ITLN2: variants seen among roughly 807,000 people sequenced by gnomAD.
ITLN2 encodes the protein intelectin-2.
In ITLN2, 29 loss-of-function variants were observed where a neutral mutation model predicts 39.4. The ratio of observed to expected loss-of-function variants is 0.74; its 90% confidence interval spans 0.55 to 1.00. The LOEUF (loss-of-function observed/expected upper bound fraction) is 1.00, where lower values mean the gene tolerates loss of function less well. Among genes scored for constraint, ITLN2 ranks in the 50% least tolerant of loss-of-function variants. ITLN2 has a pLI of 0.00. For synonymous variants in ITLN2, 156 were observed against 153.4 expected, an observed-to-expected ratio of 1.02 and a Z score of -0.12; for missense variants, 412 against 416.7, an observed-to-expected ratio of 0.99 and a Z score of 0.10.
In ITLN2 at chr1:160,948,051, A is replaced by C. The variant is rs776061862; in HGVS notation, c.722-19T>G. 103 of 1,591,264 alleles carry C rather than the reference A, an allele frequency of 6.5e-5. No homozygotes were observed. In the Middle Eastern group the frequency reaches 8.3e-4, roughly 13 times the overall value. On this transcript the variant is annotated intron_variant, in intron 6 of 7. Transcript: ENST00000368029. ...AATTCCCCTGAAAAAGAAGAGGTGA[A>C]GAAACAGCCAAGTAGTCAAAGGATG... is the stretch of plus-strand genomic sequence containing the variant.
Position 160,950,029 on chromosome 1 carries a change from A to G in ITLN2, c.721+17T>C. ...CAAGAAAATATTTATGACTGGACTT[A>G]GGGAGCAAACACTCACGTTGACCAT... On this transcript the variant is annotated intron_variant, in intron 6 of 7. Coordinates refer to ENST00000368029, the MANE Select transcript of ITLN2 (RefSeq NM_080878.3). 6.2e-7 allele frequency: 1 copy of G among 1,609,918 alleles called. No individual in the cohort carries two copies. The highest frequency in any genetic ancestry group is 8.5e-7 in the Non-Finnish European group (1 of 1,177,108).
intron 7 of ITLN2, among the ~76,000 whole-genome samples, chr1:160,945,768 G>A (rs1671587271): frequency 6.6e-6 from 1 of 152,086 alleles, no homozygotes; most frequent in South Asian, 2.1e-4. Context: ...GTTCTTGATG[G>A]CTCTGACGCT....
At chr1:160,946,087 G>A (rs955267668) in intron 7 of ITLN2, among the ~76,000 whole-genome samples, 1 of 151,748 alleles carries the variant, frequency 6.6e-6, no homozygotes, top group East Asian at 2.0e-4. Context: ...TGGGCAGATT[G>A]CCTGAGGTCA....
chr1:160,952,681 G>A lies in ITLN2; in HGVS notation c.132C>T (p.Phe44=). 1 of 1,614,176 alleles carries A rather than the reference G, an allele frequency of 6.2e-7. No individual in the cohort carries two copies. Among genetic ancestry groups the A allele is most frequent in the Non-Finnish European group, 8.5e-7 (1 of 1,180,026 alleles). ...AGCTTCTAGGCAGGGAAGAAAAGGA[G>A]AAGGCACAGGTTTCGAATTCCCTCG... ...MLSREFETCA[F]SFSSLPRSCK... Residue 44 remains phenylalanine, a synonymous_variant, in exon 3 of 8, where the codon TTC becomes TTT. Coordinates refer to ENST00000368029, the MANE Select transcript of ITLN2 (RefSeq NM_080878.3).
rs1487186936 is a variant in ITLN2 at position 160,952,629 on chromosome 1, T to A, written c.184A>T (p.Ser62Cys). The change falls in exon 3 of 8, where the codon AGT (serine) becomes TGT (cysteine). Residue 62 changes from serine (S) to cysteine (C), a missense_variant. Coordinates refer to ENST00000368029, the MANE Select transcript of ITLN2 (RefSeq NM_080878.3). ...SCKEIKERCH[S>C]AGDGLYFLRT... ...TTGGTTCATTACTCACCACCTGCAC[T>A]ATGGCAGCGTTCCTTGATTTCTTTG... 1 of 1,612,502 alleles carries A rather than the reference T, an allele frequency of 6.2e-7. No individual in the cohort carries two copies. The highest frequency in any genetic ancestry group is 2.2e-5 in the East Asian group (1 of 44,882).
chr1:160,950,985 G>A lies in ITLN2; in HGVS notation c.441+58C>T, dbSNP rs1353206128. The A allele has an allele frequency of 1.4e-5, 23 of 1,613,612 alleles. No homozygotes were observed. In the Admixed American group the frequency reaches 3.7e-4, roughly 26 times the overall value. ...TTCCAGCCCTCCCTCCTGCAGGCTG[G>A]TGGCCAGCCACACTCCACACCTCAC... On this transcript the variant is annotated intron_variant, in intron 4 of 7. Coordinates refer to ENST00000368029, the MANE Select transcript of ITLN2 (RefSeq NM_080878.3).
chr1:160,948,167 G>A, intron 6 of ITLN2, 135 bp from the exon 7 acceptor site: 1 of 657,790 alleles, frequency 1.5e-6, no homozygotes, highest in Admixed American at 2.7e-5. Flanking sequence ...TAGGGGTGCA[G>A]CCCAGTACCT....
At position 160,950,686 on chromosome 1, in the gene ITLN2, G is replaced by A. The variant is rs1553205298; in HGVS notation, c.467C>T (p.Ala156Val). Reference sequence around the variant, plus strand: ...CACATGCCAGATGCCCAGGTCCTTGGCCTGGATGTCGTAGTAGCCAGGGTT... The same window carrying A: ...CACATGCCAGATGCCCAGGTCCTTGACCTGGATGTCGTAGTAGCCAGGGTT... ...YKNPGYYDIQ[A>V]KDLGIWHVPN... The change falls in exon 5 of 8, where the codon GCC becomes GTC. Residue 156 changes from alanine (A) to valine (V), a missense_variant. Transcript: ENST00000368029. 6.2e-7 allele frequency: 1 copy of A among 1,613,984 alleles called. No homozygotes were observed. Among genetic ancestry groups the A allele is most frequent in the Non-Finnish European group, 8.5e-7 (1 of 1,179,908 alleles).
chr1:160,945,183 C>T lies in ITLN2; in HGVS notation c.935G>A (p.Ser312Asn). 6.2e-7 allele frequency: 1 copy of T among 1,606,864 alleles called. No homozygotes were observed. The highest frequency in any genetic ancestry group is 8.5e-7 in the Non-Finnish European group (1 of 1,178,144). ...GYGTHVKSSC[S>N]REITEAAVLL... ...TACAGCCGCCTCCGTTATCTCCCGA[C>T]TGCAGCTGCTCTTAACGTGAGTTCC... The change falls in exon 8 of 8, where the codon AGT (serine) becomes AAT (asparagine). Residue 312 changes from serine (S) to asparagine (N), a missense_variant. Transcript: ENST00000368029.
chr1:160,947,132 G>A (rs943374763), intron 7 of ITLN2, among the ~76,000 whole-genome samples: 4 of 152,178 alleles, frequency 2.6e-5, no homozygotes, highest in Non-Finnish European at 5.9e-5. Flanking sequence ...AGGGCAACAG[G>A]TAAGGAGAAG....
intron 3 of ITLN2, chr1:160,951,582 A>G: frequency 6.2e-6 from 2 of 320,324 alleles, no homozygotes; most frequent in Non-Finnish European, 1.1e-5. Flanking sequence ...AGAGGCCAGA[A>G]ATCAGCACAC....
In ITLN2 at chr1:160,950,099, T is replaced by C. The variant is rs766613571; in HGVS notation, c.668A>G (p.Tyr223Cys). The change falls in exon 6 of 8, where the codon TAT becomes TGT. Residue 223 changes from tyrosine (Y) to cysteine (C), a missense_variant. Transcript: ENST00000368029. The stretch of plus-strand genomic sequence containing the variant: ...AGTCTTCTTAGCATCACCAAAGTCA[T>C]AGACCACAGGTATGGCTGGGCCATT... ...NDNGPAIPVV[Y>C]DFGDAKKTAS... is the part of the protein sequence containing the mutation. 5 of 1,613,814 alleles carry C rather than the reference T, an allele frequency of 3.1e-6. No individual in the cohort carries two copies. Among genetic ancestry groups the C allele is most frequent in the East Asian group, 4.5e-5 (2 of 44,902 alleles).
At chr1:160,954,297 CA>C in intron 2 of ITLN2, 89 bp downstream of exon 2, 2 of 1,021,134 alleles carry the variant, frequency 2.0e-6, no homozygotes, top group African/African-American at 1.6e-5. Context: ...CCCTTGACTT[CA>C]GAGCCCTGCC....
chr1:160,945,238 C>G lies in ITLN2; in HGVS notation c.880G>C (p.Asp294His). 6.2e-7 allele frequency: 1 copy of G among 1,605,144 alleles called. No individual in the cohort carries two copies. Among genetic ancestry groups the G allele is most frequent in the South Asian group, 1.1e-5 (1 of 89,468 alleles). The change falls in exon 8 of 8, where the codon GAC becomes CAC. Residue 294 changes from aspartate to histidine, a missense_variant. Physicochemically the swap from Asp to His is moderately conservative, Grantham distance 81. Transcript: ENST00000368029. The stretch of plus-strand genomic sequence containing the variant: ...CCATCCCAGTCAAAGGCGGAGAAGT[C>G]CCCACACTGACGGGGTTTGCCCTGT... The part of the protein sequence containing the change: ...FPQGKPRQCG[D>H]FSAFDWDGYG...
At chr1:160,949,733 TGTC>T (rs1215887023) in intron 6 of ITLN2, 13 of 255,750 alleles carry the variant, frequency 5.1e-5, no homozygotes, top group African/African-American at 2.6e-4. Flanking sequence ...GAGTCTCTTA[TGTC>T]TACTTCTTTC....
intron 5 of ITLN2, 39 bp from the exon 6 acceptor site, chr1:160,950,205 G>A: frequency 6.2e-7 from 1 of 1,608,938 alleles, no homozygotes; most frequent in East Asian, 2.2e-5. Flanking sequence ...GAGGACAGTA[G>A]AGATGCTGCC....
intron 6 of ITLN2, chr1:160,949,823 A>C (rs1400636355): frequency 9.8e-6 from 5 of 507,784 alleles, no homozygotes; most frequent in African/African-American, 9.5e-5. Context: ...GTGATGAAGA[A>C]ACCTGGGATT....
At position 160,950,669 on chromosome 1, in the gene ITLN2, A is replaced by G. The variant is rs201653416; in HGVS notation, c.484T>C (p.Trp162Arg). ...YDIQAKDLGI[W>R]HVPNKSPMQH... is the part of the protein sequence containing the mutation. ...ATGGGGGACTTGTTGGGCACATGCC[A>G]GATGCCCAGGTCCTTGGCCTGGATG... is the stretch of plus-strand genomic sequence containing the variant. The change falls in exon 5 of 8, where the codon TGG becomes CGG. Residue 162 changes from tryptophan to arginine, a missense_variant. Trp to Arg is a moderately radical substitution (Grantham distance 101). Coordinates refer to ENST00000368029, the MANE Select transcript of ITLN2 (RefSeq NM_080878.3). 1.2e-6 allele frequency: 2 copies of G among 1,614,158 alleles called. No homozygotes were observed. Among genetic ancestry groups the G allele is most frequent in the East Asian group, 2.2e-5 (1 of 44,886 alleles).
chr1:160,951,921 T>C (rs1482237277), intron 3 of ITLN2, among the ~76,000 whole-genome samples: 1 of 152,186 alleles, frequency 6.6e-6, no homozygotes, highest in Non-Finnish European at 1.5e-5. Flanking sequence ...CATAACTGTG[T>C]CATCATCTCC....
Sources: gnomAD v4.1 joint callset for allele counts (sites outside exome capture counted in the v4.1 genomes callset) on GRCh38, gnomAD v4.1.1 for gene constraint, MANE v1.5 for transcripts, NCBI Gene and HGNC (gene_info 2026-07-23, HGNC 2026-07-21) for gene names.